Variants in NOCT observed in about 807,000 individuals in gnomAD.
NOCT encodes the protein CCR4 carbon catabolite repression 4-like.
Under a neutral mutation model 35.0 loss-of-function variants are expected in NOCT, and 18 were observed. The observed-to-expected ratio is 0.51, with a 90% CI of 0.36 to 0.76. The LOEUF is 0.76. Ranked by LOEUF, NOCT falls within the 30% of genes least tolerant of loss-of-function variation. The pLI is 0.01. For missense variants in NOCT, 479 were observed against 541.0 expected (o/e 0.89, Z 1.14); for synonymous variants, 235 against 226.3 (o/e 1.04, Z -0.34).
At chr4:139,044,282 T>G (rs1221098551) in intron 2 of NOCT, among the ~76,000 whole-genome samples, 2 of 152,054 alleles carry the variant, frequency 1.3e-5, no homozygotes, top group Admixed American at 1.3e-4. Flanking sequence ...TAATACTTGG[T>G]GTTAAATATT....
At chr4:139,038,193 T>C (rs1429295782) in intron 1 of NOCT, among the ~76,000 whole-genome samples, 1 of 150,572 alleles carries the variant, frequency 6.6e-6, no homozygotes, top group Admixed American at 6.6e-5. Flanking sequence ...AGTGAGACTG[T>C]CTCAAATAAA....
At chr4:139,042,229 G>A (rs565267725) in intron 1 of NOCT, among the ~76,000 whole-genome samples, 154 of 151,652 alleles carry the variant, frequency 1.0e-3, no homozygotes, top group African/African-American at 3.4e-3. Flanking sequence ...CACCACACCC[G>A]GCTAATTTTT....
intron 1 of NOCT, among the ~76,000 whole-genome samples, chr4:139,018,269 C>T (rs1726348347): frequency 6.6e-6 from 1 of 152,100 alleles, no homozygotes; most frequent in South Asian, 2.1e-4. Context: ...ATCTTAAATT[C>T]CCTCAAAGTC....
intron 1 of NOCT, among the ~76,000 whole-genome samples, chr4:139,026,318 C>A (rs1169731608): frequency 6.6e-6 from 1 of 152,080 alleles, no homozygotes; most frequent in Non-Finnish European, 1.5e-5. Context: ...TCAGGCTGGT[C>A]TCGAACTCCT....
chr4:139,037,470 A>G (rs557395246), intron 1 of NOCT, among the ~76,000 whole-genome samples: 103 of 152,216 alleles, frequency 6.8e-4, no homozygotes, highest in Admixed American at 2.0e-3. Flanking sequence ...GGGTCTCACT[A>G]TGTTGCCCAG....
intron 1 of NOCT, among the ~76,000 whole-genome samples, chr4:139,027,245 G>A (rs572526058): frequency 6.6e-6 from 1 of 151,608 alleles, no homozygotes; most frequent in South Asian, 2.1e-4. Flanking sequence ...CGCAGAGCCA[G>A]CTCACTGCAG....
chr4:139,025,433 C>T (rs1726495330), intron 1 of NOCT, among the ~76,000 whole-genome samples: 1 of 152,190 alleles, frequency 6.6e-6, no homozygotes, highest in Non-Finnish European at 1.5e-5. Context: ...TTGTTTCTGT[C>T]TTCTTGGAAT....
chr4:139,021,939 A>G (rs1428258926), intron 1 of NOCT, among the ~76,000 whole-genome samples: 1 of 151,780 alleles, frequency 6.6e-6, no homozygotes, highest in South Asian at 2.1e-4. Context: ...TTTTGTATTT[A>G]GTAGAGACAG....
At chr4:139,033,378 G>A (rs1726662956) in intron 1 of NOCT, among the ~76,000 whole-genome samples, 1 of 150,812 alleles carries the variant, frequency 6.6e-6, no homozygotes, top group Non-Finnish European at 1.5e-5. Context: ...AAAAAAAAAA[G>A]TTGAATGTTA....
chr4:139,024,206 G>A (rs1578625769), intron 1 of NOCT, among the ~76,000 whole-genome samples: 2 of 151,878 alleles, frequency 1.3e-5, no homozygotes, highest in East Asian at 3.9e-4. Context: ...GACTATAGGT[G>A]TGCTCCACCA....
chr4:139,025,891 G>A (rs745322131), intron 1 of NOCT, among the ~76,000 whole-genome samples: 1 of 151,798 alleles, frequency 6.6e-6, no homozygotes, highest in Non-Finnish European at 1.5e-5. Context: ...CTACTTTGCT[G>A]TCTTGGCCTA....
intron 1 of NOCT, among the ~76,000 whole-genome samples, chr4:139,038,340 G>A (rs551296679): frequency 6.6e-6 from 1 of 152,206 alleles, no homozygotes; most frequent in East Asian, 1.9e-4. Context: ...AGTATATCCT[G>A]CATCTCAAAA....
At position 139,045,759 on chromosome 4, in the gene NOCT, AAG is replaced by A; in HGVS notation, c.*288_*289del. 2 of 258,172 alleles carry A rather than the reference AAG, an allele frequency of 7.7e-6. No homozygotes were observed. The highest frequency in any genetic ancestry group is 9.6e-5 in the South Asian group (1 of 10,424). The allele number at this position is 258,172 out of a possible 1,614,324, so 16.0% of individuals were successfully genotyped here. ...TCTCGATCTCCTGACCTTGAATCAC[AAG>A]AGTCTTAACAGGGAATGTTTCAGGA... On this transcript the variant is annotated 3_prime_UTR_variant, in exon 3 of 3. Transcript: ENST00000280614.
At chr4:139,016,642 T>G (rs1179858088) in intron 1 of NOCT, among the ~76,000 whole-genome samples, 1 of 3,140 alleles carries the variant, frequency 3.2e-4, no homozygotes, top group Non-Finnish European at 1.1e-3. Context: ...TTTTACGTTG[T>G]TTTTTTTTTT....
chr4:139,043,331 A>G lies in NOCT; in HGVS notation c.448A>G (p.Ile150Val). The G allele has an allele frequency of 6.2e-7, 1 of 1,613,474 alleles. No homozygotes were observed. Among genetic ancestry groups the G allele is most frequent in the Non-Finnish European group, 8.5e-7 (1 of 1,179,474 alleles). Residue 150 changes from isoleucine (I) to valine (V), a missense_variant, in exon 2 of 3, where the codon ATC becomes GTC. Ile to Val is a conservative substitution (Grantham distance 29, BLOSUM62 3). This residue lies in a region of NOCT where 265 missense variants were observed against 257.0 expected (regional missense o/e 1.03). Coordinates refer to ENST00000280614, the MANE Select transcript of NOCT (RefSeq NM_012118.4). The part of the protein sequence containing the change: ...HPPIRVMQWN[I>V]LAQALGEGKD... Reference sequence around the variant, plus strand: ...ACCTATCAGGGTTATGCAATGGAACATCCTCGCCCAAGGTATGCTGGATGC... The same window carrying G: ...ACCTATCAGGGTTATGCAATGGAACGTCCTCGCCCAAGGTATGCTGGATGC...
At chr4:139,023,247 T>C (rs867345376) in intron 1 of NOCT, among the ~76,000 whole-genome samples, 2 of 152,220 alleles carry the variant, frequency 1.3e-5, no homozygotes, top group Non-Finnish European at 2.9e-5. Context: ...GAGGTTCCAG[T>C]ACTTAAACAG....
rs1030010486 is a variant in NOCT at position 139,015,804 on chromosome 4, T to C, written c.-178T>C. The C allele has an allele frequency of 4.8e-6, 2 of 420,268 alleles. No homozygotes were observed. Among genetic ancestry groups the C allele is most frequent in the East Asian group, 4.2e-5 (1 of 23,658 alleles). The allele number at this position is 420,268 out of a possible 1,614,324, so 26.0% of individuals were successfully genotyped here. A position where few individuals can be genotyped will look rare whatever the true frequency, so the allele number is the denominator to read the frequency against. ...GCAGACGGTGCCGACGCAGCGGTGT[T>C]GCACCTCCCTCTCCGGCTCTGCTGC... On this transcript the variant is annotated 5_prime_UTR_variant, in exon 1 of 3. Coordinates refer to ENST00000280614, the MANE Select transcript of NOCT (RefSeq NM_012118.4).
At chr4:139,031,692 G>T (rs1726627277) in intron 1 of NOCT, among the ~76,000 whole-genome samples, 1 of 152,078 alleles carries the variant, frequency 6.6e-6, no homozygotes, top group African/African-American at 2.4e-5. Context: ...AAATATATTT[G>T]TGATTAGCCC....
chr4:139,020,590 C>G (rs1454824972), intron 1 of NOCT, among the ~76,000 whole-genome samples: 3 of 152,212 alleles, frequency 2.0e-5, no homozygotes, highest in African/African-American at 7.2e-5. Context: ...TCTGGCCTTT[C>G]AGCCCTCTGC....
Sources: gnomAD v4.1 joint callset for allele counts (sites outside exome capture counted in the v4.1 genomes callset) on GRCh38, gnomAD v4.1.1 for gene constraint, gnomAD v4.1.1 regional missense constraint, MANE v1.5 for transcripts, NCBI Gene and HGNC (gene_info 2026-07-23, HGNC 2026-07-21) for gene names.